Variants in PTPRD observed in about 807,000 individuals in gnomAD.
PTPRD encodes the protein receptor-type tyrosine-protein phosphatase delta.
Under a neutral mutation model 214.5 loss-of-function variants are expected in PTPRD, and 34 were observed. That is an observed-to-expected ratio of 0.16 (90% CI 0.12 to 0.21). PTPRD has a LOEUF of 0.21. Among genes scored for constraint, PTPRD ranks in the 10% least tolerant of loss-of-function variants. The pLI, the probability that PTPRD is intolerant of heterozygous loss-of-function variation, is 1.00. For synonymous variants in PTPRD, 1,128 were observed against 845.7 expected, an observed-to-expected ratio of 1.33 and a Z score of -5.79; for missense variants, 2,545 against 2,398.7, an observed-to-expected ratio of 1.06 and a Z score of -1.27.
intron 30 of PTPRD, among the ~76,000 whole-genome samples, chr9:8,482,919 A>T (rs1322825597): frequency 6.6e-6 from 1 of 152,214 alleles, no homozygotes; most frequent in Non-Finnish European, 1.5e-5. Context: ...CAGAAACTTT[A>T]TTGACCCATT....
chr9:9,323,471 G>A (rs957061066), intron 9 of PTPRD, among the ~76,000 whole-genome samples: 1 of 152,020 alleles, frequency 6.6e-6, no homozygotes, highest in African/African-American at 2.4e-5. Context: ...ATCTGATGTC[G>A]ACCAGGTCGT....
intron 34 of PTPRD, among the ~76,000 whole-genome samples, chr9:8,445,261 G>T (rs574053170): frequency 6.6e-6 from 1 of 152,082 alleles, no homozygotes; most frequent in African/African-American, 2.4e-5. Flanking sequence ...CACTAATAAT[G>T]ATTTATTGTT....
intron 35 of PTPRD, among the ~76,000 whole-genome samples, chr9:8,413,397 T>G (rs754939936): frequency 2.0e-5 from 3 of 152,096 alleles, no homozygotes; most frequent in Admixed American, 6.6e-5. Context: ...AAATTCTACA[T>G]CCAAAATGAA....
intron 5 of PTPRD, among the ~76,000 whole-genome samples, chr9:9,812,457 A>G (rs964184147): frequency 6.6e-6 from 1 of 152,210 alleles, no homozygotes; most frequent in Non-Finnish European, 1.5e-5. Context: ...AAGGTCACAC[A>G]TAGGCTAAAA....
At chr9:10,450,853 C>T (rs1280714299) in intron 2 of PTPRD, among the ~76,000 whole-genome samples, 1 of 151,890 alleles carries the variant, frequency 6.6e-6, no homozygotes, top group Admixed American at 6.6e-5. Context: ...GGGGCACTTA[C>T]ATTCTTTGGA....
intron 11 of PTPRD, among the ~76,000 whole-genome samples, chr9:8,818,502 A>C (rs1291466107): frequency 6.6e-6 from 1 of 152,166 alleles, no homozygotes; most frequent in Non-Finnish European, 1.5e-5. Context: ...TCATATACAA[A>C]TGTCTTCAAT....
intron 6 of PTPRD, among the ~76,000 whole-genome samples, chr9:9,762,972 C>A (rs1029895754): frequency 6.6e-6 from 1 of 152,160 alleles, no homozygotes; most frequent in Non-Finnish European, 1.5e-5. Flanking sequence ...CTTCTCTTGG[C>A]TTGTTGGTGG....
rs551735382 is a variant in PTPRD, at chr9:9,536,513, G to T, written c.-237+38219C>A. Among the ~76,000 whole-genome samples the T allele has an allele frequency of 5.3e-5, 8 of 152,076 alleles. No homozygotes were observed. In the East Asian group the frequency reaches 1.6e-3, roughly 30 times the overall value. Reference sequence around the variant, plus strand: ...GCATCTGTTGAAAACCAATCAACCCGTTTAAGATTTCAAATTACGATCTGA... The same window carrying T: ...GCATCTGTTGAAAACCAATCAACCCTTTTAAGATTTCAAATTACGATCTGA... On this transcript the variant is annotated intron_variant, in intron 8 of 45. Transcript: ENST00000381196.
intron 8 of PTPRD, among the ~76,000 whole-genome samples, chr9:9,505,021 T>G (rs2096537500): frequency 6.6e-6 from 1 of 151,666 alleles, no homozygotes; most frequent in African/African-American, 2.4e-5. Flanking sequence ...TAGCTGGAAC[T>G]AGTAGTCAAG....
At chr9:8,332,809 A>ATCTCATT (rs1264601514) in intron 43 of PTPRD, among the ~76,000 whole-genome samples, 9 of 152,244 alleles carry the variant, frequency 5.9e-5, no homozygotes, top group Non-Finnish European at 1.2e-4. Context: ...AGAGAGACCG[A>ATCTCATT]TCTCATTTCT....
At chr9:10,605,794 T>C (rs1442487533) in intron 2 of PTPRD, among the ~76,000 whole-genome samples, 2 of 151,810 alleles carry the variant, frequency 1.3e-5, no homozygotes, top group Admixed American at 6.6e-5. Context: ...TAGTTTCAAA[T>C]TGCTAGCACA....
chr9:8,372,496 G>C (rs1369547553), intron 39 of PTPRD, among the ~76,000 whole-genome samples: 1 of 151,976 alleles, frequency 6.6e-6, no homozygotes, highest in Non-Finnish European at 1.5e-5. Context: ...TAAATAATTT[G>C]TCCAAAGGCA....
At chr9:8,877,364 A>T (rs2098403186) in intron 11 of PTPRD, among the ~76,000 whole-genome samples, 1 of 152,210 alleles carries the variant, frequency 6.6e-6, no homozygotes, top group Admixed American at 6.5e-5. Context: ...TGTTTAATCT[A>T]CCTGAATAGG....
At chr9:9,136,633 G>A (rs2099851350) in intron 10 of PTPRD, among the ~76,000 whole-genome samples, 1 of 152,026 alleles carries the variant, frequency 6.6e-6, no homozygotes. Flanking sequence ...ATAGTCCAAT[G>A]GTTAAAAATT....
chr9:9,894,778 A>G (rs2074476273), intron 5 of PTPRD, among the ~76,000 whole-genome samples: 1 of 152,070 alleles, frequency 6.6e-6, no homozygotes, highest in South Asian at 2.1e-4. Flanking sequence ...TTGTAACCCT[A>G]GTGCCAGCAC....
At chr9:10,314,961 T>G (rs947845312) in intron 3 of PTPRD, among the ~76,000 whole-genome samples, 1 of 151,924 alleles carries the variant, frequency 6.6e-6, no homozygotes, top group Non-Finnish European at 1.5e-5. Flanking sequence ...TAATATAGAT[T>G]TGTACCTCCT....
intron 30 of PTPRD, among the ~76,000 whole-genome samples, chr9:8,481,785 T>C (rs1456503378): frequency 6.6e-6 from 1 of 152,054 alleles, no homozygotes. Context: ...ATCTGTTTTG[T>C]TTTGTTTTGT....
intron 14 of PTPRD, among the ~76,000 whole-genome samples, chr9:8,564,161 T>C (rs568603315): frequency 0.19 from 392 of 2,074 alleles, 1 homozygote; most frequent in Middle Eastern, 0.5. Context: ...CAATACACTA[T>C]ATGTACTGTG....
At chr9:8,544,302 G>A (rs1189917094) in intron 14 of PTPRD, among the ~76,000 whole-genome samples, 5 of 149,984 alleles carry the variant, frequency 3.3e-5, no homozygotes, top group Non-Finnish European at 5.9e-5. Context: ...GAGTGATCTC[G>A]AACTCCCAAC....
Sources: allele counts gnomAD v4.1 joint callset (sites outside exome capture counted in the v4.1 genomes callset), GRCh38; gene constraint gnomAD v4.1.1; transcripts MANE v1.5; gene names NCBI Gene and HGNC (gene_info 2026-07-23, HGNC 2026-07-21).